The following PMFBP1 variants were observed in gnomAD, a reference collection of about 807,000 sequenced individuals.
PMFBP1 encodes the protein polyamine-modulated factor 1-binding protein 1.
Under a neutral mutation model 137.8 loss-of-function variants are expected in PMFBP1, and 131 were observed. That is an observed-to-expected ratio of 0.95 (90% CI 0.82 to 1.10). PMFBP1 has a LOEUF of 1.10. Ranked by LOEUF, PMFBP1 falls within the 50% of genes least tolerant of loss-of-function variation. PMFBP1 has a pLI of 0.00. For missense variants in PMFBP1, 1,199 were observed against 1,175.4 expected (o/e 1.02, Z -0.29); for synonymous variants, 490 against 450.4 (o/e 1.09, Z -1.11).
rs541538010 is a variant in PMFBP1 at position 72,160,755 on chromosome 16, G to C, written c.165+4009C>G. On this transcript the variant is annotated intron_variant, in intron 3 of 20. Coordinates refer to ENST00000237353, the MANE Select transcript of PMFBP1 (RefSeq NM_031293.3). ...ACTGTCCGGGCCATAGCAGAACCCA[G>C]AGAATACATTTGTATAGTTGAAAAA... Among the ~76,000 whole-genome samples the C allele has an allele frequency of 2.0e-5, 3 of 152,280 alleles. No homozygotes were observed. In the East Asian group the frequency reaches 5.8e-4, roughly 29 times the overall value.
chr16:72,216,447 A>G, the PMFBP1 span, among the ~76,000 whole-genome samples: 3 of 152,336 alleles, frequency 2.0e-5, no homozygotes, highest in South Asian at 2.1e-4. Context: ...CACCATCAGC[A>G]GCAGACGGAA....
chr16:72,148,236 T>C (rs1263880337), intron 5 of PMFBP1, among the ~76,000 whole-genome samples: 1 of 152,074 alleles, frequency 6.6e-6, no homozygotes, highest in African/African-American at 2.4e-5. Flanking sequence ...TGGATGAAAC[T>C]GGAAACCATC....
chr16:72,171,351 C>T, intron 1 of PMFBP1, 83 bp from the exon 2 acceptor site: 1 of 916,448 alleles, frequency 1.1e-6, no homozygotes, highest in Admixed American at 2.4e-5. Context: ...GATCTATGCC[C>T]TCAGCAAGAG....
At chr16:72,241,960 T>C in the PMFBP1 span, among the ~76,000 whole-genome samples, 15 of 152,200 alleles carry the variant, frequency 9.9e-5, no homozygotes, top group African/African-American at 3.6e-4. Flanking sequence ...CTTCTCATTA[T>C]GTATGCCTTG....
chr16:72,123,318 C>T (rs1301487642), intron 18 of PMFBP1, among the ~76,000 whole-genome samples: 1 of 152,202 alleles, frequency 6.6e-6, no homozygotes, highest in Admixed American at 6.5e-5. Context: ...GAGCAAAGCA[C>T]CCCTTCCTTC....
the PMFBP1 span, among the ~76,000 whole-genome samples, chr16:72,217,249 A>G: frequency 1.3e-5 from 2 of 152,160 alleles, no homozygotes; most frequent in South Asian, 4.1e-4. Flanking sequence ...TTTATGATAA[A>G]TTTGCTAATA....
chr16:72,233,072 T>C, the PMFBP1 span, among the ~76,000 whole-genome samples: 1 of 152,094 alleles, frequency 6.6e-6, no homozygotes, highest in East Asian at 1.9e-4. Flanking sequence ...AATGTTAAGG[T>C]AAATCATTTC....
At chr16:72,190,107 T>C in the PMFBP1 span, among the ~76,000 whole-genome samples, 1 of 152,332 alleles carries the variant, frequency 6.6e-6, no homozygotes, top group East Asian at 1.9e-4. Flanking sequence ...TTGTGACCTT[T>C]GGCTACATGA....
chr16:72,152,519 C>G (rs969870332), intron 4 of PMFBP1, among the ~76,000 whole-genome samples: 4 of 152,036 alleles, frequency 2.6e-5, no homozygotes, highest in African/African-American at 9.7e-5. Flanking sequence ...CCCTTGTCAC[C>G]TGGTCCTCTG....
Position 72,130,640 on chromosome 16 carries a change from A to G in PMFBP1, c.1530T>C (p.Gly510=), listed in dbSNP as rs1597463553. The change falls in exon 11 of 21, where the codon GGT becomes GGC. Residue 510 remains glycine, a synonymous_variant. Coordinates refer to ENST00000237353, the MANE Select transcript of PMFBP1 (RefSeq NM_031293.3). Reference sequence around the variant, plus strand: ...CTGCCTTCTGCTTGTCCAGGAGGAGACCCTTCTGCAGTTTCCTCTGGGTGT... The same window carrying G: ...CTGCCTTCTGCTTGTCCAGGAGGAGGCCCTTCTGCAGTTTCCTCTGGGTGT... ...LEDTQRKLQK[G]LLLDKQKADT... 4 of 1,613,288 alleles carry G rather than the reference A, an allele frequency of 2.5e-6. No individual in the cohort carries two copies. Among genetic ancestry groups the G allele is most frequent in the Non-Finnish European group, 2.5e-6 (3 of 1,179,814 alleles).
chr16:72,227,211 GC>G, the PMFBP1 span, among the ~76,000 whole-genome samples: 2 of 152,268 alleles, frequency 1.3e-5, no homozygotes, highest in African/African-American at 4.8e-5. Context: ...AGGTTATATG[GC>G]TAATAATTAG....
rs565429760 is a variant in PMFBP1, at chr16:72,141,057, C to T, written c.637-475G>A. Among the ~76,000 whole-genome samples the T allele has an allele frequency of 4.0e-5, 6 of 151,792 alleles. No homozygotes were observed. In the South Asian group the frequency reaches 1.2e-3, roughly 32 times the overall value. ...TCAAGCGATTCTCCTGCCTCAGCCCCCCAAATAGCTAGAATTACAGGCATG... is the reference window on the plus strand; with the variant it reads ...TCAAGCGATTCTCCTGCCTCAGCCCTCCAAATAGCTAGAATTACAGGCATG... On this transcript the variant is annotated intron_variant, in intron 5 of 20. Coordinates refer to ENST00000237353, the MANE Select transcript of PMFBP1 (RefSeq NM_031293.3).
At chr16:72,169,436 T>C (rs2043189980) in intron 2 of PMFBP1, among the ~76,000 whole-genome samples, 1 of 152,208 alleles carries the variant, frequency 6.6e-6, no homozygotes, top group Non-Finnish European at 1.5e-5. Flanking sequence ...AGTTTTTGCA[T>C]TACTTATGAA....
At chr16:72,123,496 G>T in intron 18 of PMFBP1, 50 bp downstream of exon 18, 1 of 1,544,822 alleles carries the variant, frequency 6.5e-7, no homozygotes, top group Non-Finnish European at 8.9e-7. Context: ...GTGGCTCCTC[G>T]GCTCAGTCCA....
At chr16:72,123,203 C>G (rs1285203315) in intron 18 of PMFBP1, among the ~76,000 whole-genome samples, 2 of 152,144 alleles carry the variant, frequency 1.3e-5, no homozygotes, top group African/African-American at 4.8e-5. Flanking sequence ...CCTGTGAGCC[C>G]CAGGTGAGTT....
In PMFBP1 at chr16:72,139,894, C is replaced by T. The variant is rs189525933; in HGVS notation, c.808-495G>A. 5.9e-4 allele frequency among the ~76,000 whole-genome samples: 90 copies of T among 151,908 alleles called. 1 individual carries two copies. The highest frequency in any genetic ancestry group is 1.9e-3 in the African/African-American group (77 of 41,420). The stretch of plus-strand genomic sequence containing the variant: ...AGACCTGAGCATGGAAAAGTGAAAC[C>T]CCCTCTTCACTTATTCTCCCTTCTC... On this transcript the variant is annotated intron_variant, in intron 6 of 20. Transcript: ENST00000237353.
At chr16:72,209,829 T>C in the PMFBP1 span, among the ~76,000 whole-genome samples, 1 of 152,150 alleles carries the variant, frequency 6.6e-6, no homozygotes, top group African/African-American at 2.4e-5. Context: ...TATTTGGCCA[T>C]GGGAGGCACA....
At chr16:72,193,672 T>C in the PMFBP1 span, among the ~76,000 whole-genome samples, 2 of 151,696 alleles carry the variant, frequency 1.3e-5, no homozygotes, top group Non-Finnish European at 2.9e-5. Flanking sequence ...ATGAAGAACT[T>C]TTCTCCCTTG....
chr16:72,231,864 A>G, the PMFBP1 span, among the ~76,000 whole-genome samples: 1 of 152,204 alleles, frequency 6.6e-6, no homozygotes, highest in South Asian at 2.1e-4. Context: ...GCATTTATTA[A>G]AGATAGGTGG....
Sources: gnomAD v4.1 joint callset for allele counts (sites outside exome capture counted in the v4.1 genomes callset) on GRCh38, gnomAD v4.1.1 for gene constraint, MANE v1.5 for transcripts, NCBI Gene and HGNC (gene_info 2026-07-23, HGNC 2026-07-21) for gene names.